Variants in CPA6 observed in about 807,000 individuals in gnomAD.
CPA6 encodes the protein carboxypeptidase B.
In CPA6, 58 loss-of-function variants were observed where a neutral mutation model predicts 63.3. The ratio of observed to expected loss-of-function variants is 0.92; its 90% CI spans 0.74 to 1.14. CPA6 has a LOEUF of 1.14. Ranked by LOEUF, CPA6 falls within the 50% of genes most tolerant of loss-of-function variation. The pLI is 0.00. For synonymous variants in CPA6, 185 were observed against 179.0 expected (o/e 1.03, Z -0.27); for missense variants, 565 against 526.6 (o/e 1.07, Z -0.71).
At chr8:67,467,126 G>A (rs1253392209) in intron 8 of CPA6, among the ~76,000 whole-genome samples, 1 of 151,972 alleles carries the variant, frequency 6.6e-6, no homozygotes, top group Non-Finnish European at 1.5e-5. Flanking sequence ...ATGACATTAT[G>A]GTCAGCATCT....
chr8:67,731,351 G>A (rs928785341), intron 1 of CPA6, among the ~76,000 whole-genome samples: 1 of 152,248 alleles, frequency 6.6e-6, no homozygotes, highest in African/African-American at 2.4e-5. Context: ...CCCTTGGAGA[G>A]TCCCTTACTT....
At chr8:67,712,853 C>T (rs1235108579) in intron 1 of CPA6, among the ~76,000 whole-genome samples, 1 of 151,542 alleles carries the variant, frequency 6.6e-6, no homozygotes, top group East Asian at 1.9e-4. Context: ...TCCAGCATCC[C>T]CACACTGTAC....
Position 67,428,079 on chromosome 8 carries a change from C to A in CPA6, c.1094G>T (p.Arg365Leu). 1.2e-6 allele frequency: 2 copies of A among 1,613,240 alleles called. No homozygotes were observed. The part of the protein sequence containing the change: ...VNALQSVYGV[R>L]YRYGPASTTL... ...TGTGGAGGCTGGTCCATATCTGTATCGTACCCCGTATACTGACTGAAGTGC... is the reference window on the plus strand; with the variant it reads ...TGTGGAGGCTGGTCCATATCTGTATAGTACCCCGTATACTGACTGAAGTGC... The change falls in exon 10 of 11, where the codon CGA becomes CTA. Residue 365 changes from arginine (R) to leucine (L), a missense_variant. Transcript: ENST00000297770.
intron 1 of CPA6, among the ~76,000 whole-genome samples, chr8:67,672,776 T>C (rs1348541009): frequency 1.3e-5 from 2 of 152,200 alleles, no homozygotes; most frequent in African/African-American, 4.8e-5. Flanking sequence ...TCCCACAAAA[T>C]GATGTTTTGC....
intron 5 of CPA6, among the ~76,000 whole-genome samples, chr8:67,507,704 T>A (rs1811958972): frequency 6.6e-6 from 1 of 152,224 alleles, no homozygotes; most frequent in South Asian, 2.1e-4. Flanking sequence ...TCAACCATTA[T>A]GATGCGAATA....
At chr8:67,457,546 T>A (rs530650798) in intron 8 of CPA6, among the ~76,000 whole-genome samples, 28 of 152,256 alleles carry the variant, frequency 1.8e-4, no homozygotes, top group African/African-American at 6.3e-4. Context: ...CTTCTTTCCA[T>A]CCTCTCTGCC....
At chr8:67,601,485 G>T (rs962978498) in intron 2 of CPA6, among the ~76,000 whole-genome samples, 1 of 152,144 alleles carries the variant, frequency 6.6e-6, no homozygotes, top group African/African-American at 2.4e-5. Context: ...ATGCCACACA[G>T]AATTGTTTTG....
intron 1 of CPA6, among the ~76,000 whole-genome samples, chr8:67,727,451 A>AC (rs1456561036): frequency 6.6e-6 from 1 of 151,748 alleles, no homozygotes; most frequent in African/African-American, 2.4e-5. Context: ...GCCCCCCTTA[A>AC]CCCCCACAGG....
intron 2 of CPA6, among the ~76,000 whole-genome samples, chr8:67,606,866 A>T (rs140402683): frequency 1.3e-5 from 2 of 152,290 alleles, no homozygotes; most frequent in African/African-American, 4.8e-5. Flanking sequence ...TTTTGCAGTC[A>T]ACTTCTGGTT....
chr8:67,457,301 G>A lies in CPA6; in HGVS notation c.839-23061C>T, dbSNP rs1034542810. Among the ~76,000 whole-genome samples, 9 of 152,274 alleles carry A rather than the reference G, an allele frequency of 5.9e-5. No individual in the cohort carries two copies. In the East Asian group the frequency reaches 1.7e-3, roughly 29 times the overall value. On this transcript the variant is annotated intron_variant, in intron 8 of 10. Transcript: ENST00000297770. ...CATACTGCTCTTAAAAATTTATTAAGTAAATGAATGAATTTATTAATGTGA... is the reference window on the plus strand; with the variant it reads ...CATACTGCTCTTAAAAATTTATTAAATAAATGAATGAATTTATTAATGTGA...
chr8:67,448,761 G>T (rs1810492225), intron 8 of CPA6, among the ~76,000 whole-genome samples: 1 of 151,036 alleles, frequency 6.6e-6, no homozygotes. Flanking sequence ...GTACTTTCTA[G>T]ATTTTCTTCT....
At chr8:67,671,336 C>T (rs1816338522) in intron 1 of CPA6, among the ~76,000 whole-genome samples, 1 of 152,148 alleles carries the variant, frequency 6.6e-6, no homozygotes, top group African/African-American at 2.4e-5. Flanking sequence ...CCTTTTATTT[C>T]CTATCATTGT....
chr8:67,438,483 T>C (rs934225628), intron 8 of CPA6, among the ~76,000 whole-genome samples: 1 of 152,208 alleles, frequency 6.6e-6, no homozygotes, highest in African/African-American at 2.4e-5. Flanking sequence ...TGAATTCCCA[T>C]TGCAATGTGA....
intron 2 of CPA6, among the ~76,000 whole-genome samples, chr8:67,561,929 T>C (rs887846584): frequency 3.9e-5 from 6 of 152,200 alleles, no homozygotes; most frequent in South Asian, 2.1e-4. Flanking sequence ...TGCTTCTATA[T>C]AATGAAAGAA....
At position 67,640,828 on chromosome 8, in the gene CPA6, C is replaced by A. The variant is rs1284921514; in HGVS notation, c.117-16577G>T. Among the ~76,000 whole-genome samples, 3 of 151,588 alleles carry A rather than the reference C, an allele frequency of 2.0e-5. No individual in the cohort carries two copies. The South Asian group carries it at 6.2e-4, about 31-fold the overall frequency. ...TTTTCCCCAGCAGCAGCAGTGGCAG[C>A]CCCTGGCCAACCTCAAACGAGTGAA... On this transcript the variant is annotated intron_variant, in intron 1 of 10. Transcript: ENST00000297770.
At chr8:67,604,065 T>C (rs1814564423) in intron 2 of CPA6, among the ~76,000 whole-genome samples, 1 of 152,216 alleles carries the variant, frequency 6.6e-6, no homozygotes, top group Admixed American at 6.5e-5. Flanking sequence ...TGTCAGCTGG[T>C]GATGGAGGTT....
intron 1 of CPA6, among the ~76,000 whole-genome samples, chr8:67,713,027 TCTTA>T (rs1198834471): frequency 4.7e-5 from 7 of 148,242 alleles, no homozygotes; most frequent in African/African-American, 1.7e-4. Context: ...GTTATTAATC[TCTTA>T]CTTTCTAATG....
chr8:67,439,943 A>G (rs1810252088), intron 8 of CPA6, among the ~76,000 whole-genome samples: 1 of 152,170 alleles, frequency 6.6e-6, no homozygotes, highest in African/African-American at 2.4e-5. Flanking sequence ...TTCATATAGA[A>G]AAATAAAGAA....
chr8:67,434,587 A>C (rs1211713220), intron 8 of CPA6, among the ~76,000 whole-genome samples: 1 of 152,234 alleles, frequency 6.6e-6, no homozygotes, highest in Non-Finnish European at 1.5e-5. Flanking sequence ...GAATAAGTTA[A>C]TGTCAGATAG....
Sources: allele counts gnomAD v4.1 joint callset (sites outside exome capture counted in the v4.1 genomes callset), GRCh38; gene constraint gnomAD v4.1.1; transcripts MANE v1.5; gene names NCBI Gene and HGNC (gene_info 2026-07-23, HGNC 2026-07-21).